GPHN: variants seen among roughly 807,000 people sequenced by gnomAD.
The protein encoded by GPHN is gephyrin.
GPHN carries 17 observed loss-of-function variants against 95.5 expected under a neutral mutation model. That is an observed-to-expected ratio of 0.18 (90% CI 0.12 to 0.27). The LOEUF (loss-of-function observed/expected upper bound fraction) is 0.27. Among genes scored for constraint, GPHN ranks in the 10% least tolerant of loss-of-function variants. The pLI, the probability that GPHN is intolerant of heterozygous loss-of-function variation, is 1.00. For missense variants in GPHN, 660 were observed against 978.1 expected (o/e 0.67, Z 4.34); for synonymous variants, 320 against 322.5 (o/e 0.99, Z 0.08).
intron 1 of GPHN, among the ~76,000 whole-genome samples, chr14:66,643,444 TA>T (rs2064551388): frequency 1.3e-5 from 2 of 152,118 alleles, no homozygotes; most frequent in Non-Finnish European, 2.9e-5. Flanking sequence ...GGAATGTTGA[TA>T]CTATTTGTAA....
chr14:66,849,842 G>C (rs914443591), intron 4 of GPHN, among the ~76,000 whole-genome samples: 11 of 152,050 alleles, frequency 7.2e-5, no homozygotes, highest in Non-Finnish European at 1.3e-4. Flanking sequence ...TGTTTTGGCT[G>C]TATCATTTTG....
chr14:66,521,795 G>A (rs1441531043), intron 1 of GPHN, among the ~76,000 whole-genome samples: 1 of 152,124 alleles, frequency 6.6e-6, no homozygotes, highest in Non-Finnish European at 1.5e-5. Flanking sequence ...TCAACATTTT[G>A]GAGGGGGACG....
chr14:66,652,381 A>G (rs938781531), intron 1 of GPHN, among the ~76,000 whole-genome samples: 5 of 152,016 alleles, frequency 3.3e-5, no homozygotes, highest in African/African-American at 1.2e-4. Flanking sequence ...ACAAATGTGT[A>G]TATTTTGTAT....
At chr14:67,501,399 C>G in the GPHN span, among the ~76,000 whole-genome samples, 3 of 151,980 alleles carry the variant, frequency 2.0e-5, no homozygotes, top group South Asian at 2.1e-4. Context: ...GGATCTTGCT[C>G]TGTTGGCCAG....
chr14:67,183,584 G>T (rs1174393450), downstream of GPHN, among the ~76,000 whole-genome samples: 1 of 151,580 alleles, frequency 6.6e-6, no homozygotes, highest in Non-Finnish European at 1.5e-5. Flanking sequence ...ATTTTTTGAG[G>T]TGGAGTCTTG....
chr14:66,840,736 CAAAAAAA>C (rs553788734), intron 4 of GPHN, among the ~76,000 whole-genome samples: 2 of 81,166 alleles, frequency 2.5e-5, no homozygotes, highest in African/African-American at 3.5e-5. Context: ...GCAGGCCATA[CAAAAAAA>C]AAAAAAAAAA....
the GPHN span, among the ~76,000 whole-genome samples, chr14:67,490,656 T>C: frequency 2.0e-5 from 3 of 152,216 alleles, no homozygotes; most frequent in Non-Finnish European, 4.4e-5. Context: ...ATTGAGTCTC[T>C]GCTTCTCTGA....
chr14:66,989,959 G>T (rs149870386), intron 9 of GPHN, among the ~76,000 whole-genome samples: 1 of 152,138 alleles, frequency 6.6e-6, no homozygotes, highest in East Asian at 1.9e-4. Context: ...ACAAGAACAA[G>T]TGTATTAGTC....
At chr14:67,657,620 A>ACACC in the GPHN span, among the ~76,000 whole-genome samples, 18 of 140,048 alleles carry the variant, frequency 1.3e-4, no homozygotes, top group African/African-American at 5.0e-4. Flanking sequence ...ACACACACAC[A>ACACC]CACCCAAAAT....
At chr14:66,597,144 T>G (rs1284384600) in intron 1 of GPHN, among the ~76,000 whole-genome samples, 2 of 152,144 alleles carry the variant, frequency 1.3e-5, no homozygotes, top group East Asian at 3.9e-4. Context: ...CAGCCAAGTT[T>G]CCATTTGCAT....
chr14:66,926,040 G>A (rs963126455), intron 8 of GPHN, among the ~76,000 whole-genome samples: 3 of 152,098 alleles, frequency 2.0e-5, no homozygotes, highest in Non-Finnish European at 4.4e-5. Context: ...TTTACCATTT[G>A]TATGTCTTCC....
intron 2 of GPHN, among the ~76,000 whole-genome samples, chr14:66,704,996 C>T (rs983867806): frequency 5.9e-5 from 9 of 152,206 alleles, no homozygotes; most frequent in African/African-American, 1.7e-4. Context: ...ACCACTGATC[C>T]AACAGAGATA....
At chr14:66,535,621 GTCTTTAAGT>G (rs2059117352) in intron 1 of GPHN, among the ~76,000 whole-genome samples, 1 of 152,136 alleles carries the variant, frequency 6.6e-6, no homozygotes, top group African/African-American at 2.4e-5. Context: ...ATTTACTTGG[GTCTTTAAGT>G]TCTTTCAGCA....
Position 67,161,915 on chromosome 14 carries a change from C to T in GPHN, c.1910+2427C>T, listed in dbSNP as rs116987573. On this transcript the variant is annotated intron_variant, in intron 19 of 22. Coordinates refer to ENST00000478722, the MANE Select transcript of GPHN (RefSeq NM_020806.5). ...CTTTTTTTCAATCTGTTATTTACCA[C>T]TCACTTCAACTTTAGCAGTTCATCA... is the stretch of plus-strand genomic sequence containing the variant. 2.4e-3 allele frequency among the ~76,000 whole-genome samples: 371 copies of T among 152,256 alleles called. 1 individual carries two copies. Among genetic ancestry groups the T allele is most frequent in the Non-Finnish European group, 3.5e-3 (238 of 68,016 alleles).
At chr14:66,585,461 G>C (rs1321394099) in intron 1 of GPHN, among the ~76,000 whole-genome samples, 1 of 152,156 alleles carries the variant, frequency 6.6e-6, no homozygotes, top group African/African-American at 2.4e-5. Flanking sequence ...TGCTTCTCTA[G>C]GTCTTTTAAT....
chr14:66,664,176 A>G (rs906896349), intron 1 of GPHN, among the ~76,000 whole-genome samples: 3 of 152,166 alleles, frequency 2.0e-5, no homozygotes, highest in Non-Finnish European at 2.9e-5. Context: ...CAGACTATAC[A>G]TTCTTCTCAT....
At chr14:67,690,835 G>T in the GPHN span, 1 of 383,020 alleles carries the variant, frequency 2.6e-6, no homozygotes, top group South Asian at 3.6e-5. Flanking sequence ...AAGAGCAGAT[G>T]ACCTATACCT....
the GPHN span, among the ~76,000 whole-genome samples, chr14:67,465,846 T>A: frequency 6.6e-6 from 1 of 152,206 alleles, no homozygotes; most frequent in Non-Finnish European, 1.5e-5. Context: ...ATGGTAAGTG[T>A]CTTTTTAAGA....
intron 5 of GPHN, among the ~76,000 whole-genome samples, chr14:66,891,379 G>A (rs1021937487): frequency 6.6e-6 from 1 of 152,082 alleles, no homozygotes; most frequent in African/African-American, 2.4e-5. Context: ...CAACAAGGGT[G>A]TCAATTCAAT....
Sources: allele counts gnomAD v4.1 joint callset (sites outside exome capture counted in the v4.1 genomes callset), GRCh38; gene constraint gnomAD v4.1.1; transcripts MANE v1.5; gene names NCBI Gene and HGNC (gene_info 2026-07-23, HGNC 2026-07-21).